Variants in FSTL5 observed in about 807,000 individuals in gnomAD.
FSTL5 encodes follistatin like 5, also known as follistatin-related protein 5.
A neutral mutation model predicts 89.1 loss-of-function variants in FSTL5; 62 were observed. The observed-to-expected ratio is 0.70, with a 90% CI of 0.57 to 0.86. The LOEUF (loss-of-function observed/expected upper bound fraction) is 0.86. FSTL5 is among the 40% of genes least tolerant of loss of function. The pLI, the probability that FSTL5 is intolerant of heterozygous loss-of-function variation, is 0.00. For synonymous variants in FSTL5, 383 were observed against 346.2 expected (o/e 1.11, Z -1.18); for missense variants, 1,057 against 1,001.6 (o/e 1.06, Z -0.75).
At chr4:161,607,789 A>G (rs1243147767) in intron 7 of FSTL5, among the ~76,000 whole-genome samples, 1 of 152,178 alleles carries the variant, frequency 6.6e-6, no homozygotes, top group Non-Finnish European at 1.5e-5. Flanking sequence ...AGTTATCTAT[A>G]GTATTCACTG....
intron 6 of FSTL5, among the ~76,000 whole-genome samples, chr4:161,695,002 C>T (rs956454121): frequency 1.3e-5 from 2 of 151,728 alleles, no homozygotes; most frequent in African/African-American, 4.8e-5. Context: ...TGTGTTTTCT[C>T]CCTTTAAATT....
intron 6 of FSTL5, among the ~76,000 whole-genome samples, chr4:161,698,899 G>A (rs1356724463): frequency 6.6e-6 from 1 of 152,032 alleles, no homozygotes. Flanking sequence ...GCAGTGAGCC[G>A]AGATCATGCC....
chr4:162,099,151 G>A (rs576617894), intron 2 of FSTL5, among the ~76,000 whole-genome samples: 2 of 152,154 alleles, frequency 1.3e-5, no homozygotes, highest in Admixed American at 6.5e-5. Context: ...TCTTTGTGTA[G>A]TAGCATTCTA....
intron 12 of FSTL5, among the ~76,000 whole-genome samples, chr4:161,493,441 T>C (rs969557525): frequency 9.2e-5 from 14 of 151,792 alleles, no homozygotes; most frequent in African/African-American, 3.4e-4. Flanking sequence ...TATTTTATAA[T>C]AAAATCTTTT....
intron 15 of FSTL5, among the ~76,000 whole-genome samples, chr4:161,388,863 C>T (rs1730730555): frequency 6.6e-6 from 1 of 152,036 alleles, no homozygotes; most frequent in Non-Finnish European, 1.5e-5. Flanking sequence ...AACTTTGATA[C>T]TACCGAATGT....
At chr4:161,819,225 GTT>G (rs1730420227) in intron 4 of FSTL5, among the ~76,000 whole-genome samples, 1 of 151,636 alleles carries the variant, frequency 6.6e-6, no homozygotes, top group Non-Finnish European at 1.5e-5. Flanking sequence ...AAATTTGTTT[GTT>G]TTTCATGATC....
chr4:162,097,232 T>G (rs1198539374), intron 2 of FSTL5, among the ~76,000 whole-genome samples: 1 of 151,734 alleles, frequency 6.6e-6, no homozygotes, highest in Non-Finnish European at 1.5e-5. Flanking sequence ...ATCCTTAGTG[T>G]CTGATAAATT....
intron 1 of FSTL5, among the ~76,000 whole-genome samples, chr4:162,112,654 GGAAT>G (rs1317317469): frequency 3.3e-5 from 5 of 151,944 alleles, no homozygotes; most frequent in Non-Finnish European, 7.4e-5. Context: ...CTGAATTTCT[GGAAT>G]AGTTATATAT....
chr4:162,144,753 C>T (rs1732903163), intron 1 of FSTL5, among the ~76,000 whole-genome samples: 1 of 151,916 alleles, frequency 6.6e-6, no homozygotes, highest in African/African-American at 2.4e-5. Flanking sequence ...ATGGTGTATA[C>T]ATATAATTAT....
chr4:161,398,395 G>T (rs1731073918), intron 15 of FSTL5, among the ~76,000 whole-genome samples: 1 of 151,944 alleles, frequency 6.6e-6, no homozygotes, highest in African/African-American at 2.4e-5. Flanking sequence ...ATATATTCCA[G>T]ATATAAAAAC....
intron 13 of FSTL5, among the ~76,000 whole-genome samples, chr4:161,474,735 T>C (rs556156472): frequency 6.6e-6 from 1 of 152,010 alleles, no homozygotes; most frequent in Non-Finnish European, 1.5e-5. Context: ...TTGGTAGAGA[T>C]GGGGTTCCAC....
Position 161,385,607 on chromosome 4 carries a change from C to T in FSTL5, c.*140G>A, listed in dbSNP as rs1730591603. The T allele has an allele frequency of 1.6e-6, 1 of 620,894 alleles. No individual in the cohort carries two copies. The highest frequency in any genetic ancestry group is 3.3e-5 in the Admixed American group (1 of 30,082). The allele number at this position is 620,894 out of a possible 1,614,324, so 38.5% of individuals were successfully genotyped here. A position where few individuals can be genotyped will look rare whatever the true frequency, so the allele number is the denominator to read the frequency against. On this transcript the variant is annotated 3_prime_UTR_variant, in exon 16 of 16. Transcript: ENST00000306100. ...TATGTCTTAGTCACTTAGTCAAAAA[C>T]AATTTATTTTATTTGGACCAACCAA...
intron 4 of FSTL5, among the ~76,000 whole-genome samples, chr4:161,817,004 A>G (rs1054051121): frequency 1.1e-4 from 17 of 152,214 alleles, no homozygotes; most frequent in African/African-American, 4.1e-4. Flanking sequence ...ATAGAGTTGA[A>G]CAAAAAAATA....
At chr4:162,145,145 T>C (rs1732923753) in intron 1 of FSTL5, among the ~76,000 whole-genome samples, 1 of 151,610 alleles carries the variant, frequency 6.6e-6, no homozygotes, top group Non-Finnish European at 1.5e-5. Context: ...CATACACAAA[T>C]GTAAATCTCT....
chr4:161,880,227 A>G (rs1262530480), intron 4 of FSTL5, among the ~76,000 whole-genome samples: 1 of 152,116 alleles, frequency 6.6e-6, no homozygotes, highest in African/African-American at 2.4e-5. Context: ...TCCATGATAT[A>G]GTCATTTGTG....
chr4:161,585,587 TAAAA>T (rs34372995), intron 8 of FSTL5, among the ~76,000 whole-genome samples: 2 of 102,716 alleles, frequency 1.9e-5, no homozygotes, highest in Non-Finnish European at 2.1e-5. Flanking sequence ...TCCCTAATGC[TAAAA>T]AAAAAAAAAA....
intron 6 of FSTL5, among the ~76,000 whole-genome samples, chr4:161,752,502 G>T (rs1197601858): frequency 6.6e-6 from 1 of 151,972 alleles, no homozygotes. Context: ...CAGCACTTTT[G>T]CTTCTGCCCT....
At chr4:161,738,262 C>T (rs1316997737) in intron 6 of FSTL5, among the ~76,000 whole-genome samples, 1 of 151,964 alleles carries the variant, frequency 6.6e-6, no homozygotes, top group Non-Finnish European at 1.5e-5. Context: ...TTCTTGTGCT[C>T]AGGAGTAGCC....
At chr4:161,483,819 G>A (rs985125103) in intron 12 of FSTL5, among the ~76,000 whole-genome samples, 2 of 152,028 alleles carry the variant, frequency 1.3e-5, no homozygotes, top group African/African-American at 4.8e-5. Context: ...AGCTGCCAGG[G>A]ATTATATCAA....
Sources: gnomAD v4.1 joint callset for allele counts (sites outside exome capture counted in the v4.1 genomes callset) on GRCh38, gnomAD v4.1.1 for gene constraint, MANE v1.5 for transcripts, NCBI Gene and HGNC (gene_info 2026-07-23, HGNC 2026-07-21) for gene names.